Variants in DNAJC10 observed in about 807,000 individuals in gnomAD.
The protein encoded by DNAJC10 is DnaJ heat shock protein family (Hsp40) member C10, also known as endoplasmic reticulum disulfide reductase DNAJC10.
Under a neutral mutation model 115.0 loss-of-function variants are expected in DNAJC10, and 101 were observed. The ratio of observed to expected loss-of-function variants is 0.88; its 90% CI spans 0.75 to 1.04. The LOEUF (loss-of-function observed/expected upper bound fraction) is 1.04. DNAJC10 is among the 50% of genes least tolerant of loss of function. The pLI is 0.00. For synonymous variants in DNAJC10, 307 were observed against 301.5 expected (o/e 1.02, Z -0.19); for missense variants, 981 against 928.8 (o/e 1.06, Z -0.73).
At chr2:182,729,199 A>T (rs1693372718) in intron 7 of DNAJC10, 3 of 490,548 alleles carry the variant, frequency 6.1e-6, no homozygotes, top group Non-Finnish European at 1.1e-5. Context: ...CCCAGGCTGG[A>T]GTGCAAGGGT....
intron 5 of DNAJC10, among the ~76,000 whole-genome samples, chr2:182,727,338 GCTTT>G (rs1374179235): frequency 1.3e-5 from 2 of 152,008 alleles, no homozygotes; most frequent in Non-Finnish European, 2.9e-5. Context: ...TGTAATTATT[GCTTT>G]CTATTTTTAT....
At position 182,791,208 on chromosome 2, in the gene DNAJC10, ACT is replaced by A. The variant is rs1695043766; in HGVS notation, c.*14079_*14080del. ...AAGCAGTAATTCTCCAATTAAAGTA[ACT>A]CTAGAGCTTAGTTTTCAGTCCTCCT... On this transcript the variant is annotated 3_prime_UTR_variant, in exon 24 of 24. Transcript: ENST00000264065. The A allele has an allele frequency of 6.6e-6, 1 of 152,100 alleles. No individual in the cohort carries two copies. The highest frequency in any genetic ancestry group is 1.5e-5 in the Non-Finnish European group (1 of 68,018). 9.4% of individuals were successfully genotyped at this position (152,100 alleles called of 1,614,324 possible).
rs374592751 is a variant in DNAJC10, at chr2:182,736,272, G to A, written c.873G>A (p.Trp291Ter). 1 of 1,578,488 alleles carries A rather than the reference G, an allele frequency of 6.3e-7. No individual in the cohort carries two copies. Among genetic ancestry groups the A allele is most frequent in the African/African-American group, 1.4e-5 (1 of 72,360 alleles). ...AGGATGGTCTTGTTAATGTAGGATGGATGGACTGTGCCACCCAGGATAACC... is the reference window on the plus strand; with the variant it reads ...AGGATGGTCTTGTTAATGTAGGATGAATGGACTGTGCCACCCAGGATAACC... Reference protein sequence around the residue: ...GMLDGLVNVGWMDCATQDNLC... With the variant: ...GMLDGLVNVG Residue 291 changes from tryptophan (W) to a stop codon, truncating the protein, a stop_gained, in exon 11 of 24, where the codon TGG becomes TGA. Transcript: ENST00000264065. LOFTEE classifies it high-confidence loss of function.
At chr2:182,727,628 G>A (rs182846198) in intron 5 of DNAJC10, among the ~76,000 whole-genome samples, 5 of 152,236 alleles carry the variant, frequency 3.3e-5, no homozygotes, top group Non-Finnish European at 7.4e-5. Context: ...TTGAAATGTA[G>A]GTGAACACTG....
intron 13 of DNAJC10, among the ~76,000 whole-genome samples, chr2:182,741,801 G>T (rs548819189): frequency 6.6e-6 from 1 of 152,170 alleles, no homozygotes; most frequent in Non-Finnish European, 1.5e-5. Context: ...CATTTTGTGA[G>T]TGCCCATATG....
At chr2:182,771,544 G>A (rs561722530) in intron 22 of DNAJC10, among the ~76,000 whole-genome samples, 1 of 152,156 alleles carries the variant, frequency 6.6e-6, no homozygotes, top group South Asian at 2.1e-4. Flanking sequence ...CTTCTTCCTG[G>A]TTTAGTCTTG....
chr2:182,775,208 C>CA, intron 22 of DNAJC10, 108 bp from the exon 23 acceptor site: 1 of 713,078 alleles, frequency 1.4e-6, no homozygotes, highest in Non-Finnish European at 2.3e-6. Context: ...TCAAACACTT[C>CA]AAGTTTTGGA....
chr2:182,746,748 G>C (rs1693878611), intron 14 of DNAJC10, among the ~76,000 whole-genome samples: 1 of 151,986 alleles, frequency 6.6e-6, no homozygotes, highest in Admixed American at 6.6e-5. Flanking sequence ...GATCCCATTT[G>C]TCAATTTTGG....
Position 182,777,850 on chromosome 2 carries a change from A to G in DNAJC10, c.*718A>G, listed in dbSNP as rs889526015. 6.6e-6 allele frequency: 1 copy of G among 152,176 alleles called. No individual in the cohort carries two copies. The highest frequency in any genetic ancestry group is 2.1e-4 in the South Asian group (1 of 4,828). The allele number at this position is 152,176 out of a possible 1,614,324, so 9.4% of individuals were successfully genotyped here. A position where few individuals can be genotyped will look rare whatever the true frequency, so the allele number is the denominator to read the frequency against. On this transcript the variant is annotated 3_prime_UTR_variant, in exon 24 of 24. Coordinates refer to ENST00000264065, the MANE Select transcript of DNAJC10 (RefSeq NM_018981.4). ...ACAGTGCAGCAGTATATGTGCACAC[A>G]GTAAGTACACAAATTTGAGCAACAG...
At chr2:182,739,023 T>C (rs1191118575) in intron 11 of DNAJC10, among the ~76,000 whole-genome samples, 1 of 151,882 alleles carries the variant, frequency 6.6e-6, no homozygotes, top group Non-Finnish European at 1.5e-5. Flanking sequence ...GGCTGTGTAA[T>C]AGGCATTTTA....
At position 182,787,233 on chromosome 2, in the gene DNAJC10, A is replaced by G. The variant is rs1435355170; in HGVS notation, c.*10101A>G. The G allele has an allele frequency of 2.6e-5, 4 of 152,182 alleles. No individual in the cohort carries two copies. In the South Asian group the frequency reaches 6.2e-4, roughly 24 times the overall value. The allele number at this position is 152,182 out of a possible 1,614,324, so 9.4% of individuals were successfully genotyped here. A position where few individuals can be genotyped will look rare whatever the true frequency, so the allele number is the denominator to read the frequency against. On this transcript the variant is annotated 3_prime_UTR_variant, in exon 24 of 24. Coordinates refer to ENST00000264065, the MANE Select transcript of DNAJC10 (RefSeq NM_018981.4). ...AGGCGTTAAACTTCTTTTGGAAACT[A>G]TACTGGCTTGACAGTCTCCCCATAC...
intron 14 of DNAJC10, 73 bp from the exon 15 acceptor site, chr2:182,751,585 T>G (rs1263182459): frequency 6.6e-7 from 1 of 1,509,222 alleles, no homozygotes; most frequent in East Asian, 2.3e-5. Context: ...TTCTGAGTAT[T>G]AAAACTTTGA....
chr2:182,759,093 A>G (rs1367491525), intron 20 of DNAJC10, 67 bp from the exon 21 acceptor site: 41 of 1,351,408 alleles, frequency 3.0e-5, no homozygotes, highest in Non-Finnish European at 2.2e-5. Flanking sequence ...GTATTACAAT[A>G]TTATTGCATT....
At position 182,782,617 on chromosome 2, in the gene DNAJC10, T is replaced by C. The variant is rs1367108809; in HGVS notation, c.*5485T>C. The C allele has an allele frequency of 6.6e-6, 1 of 152,076 alleles. No homozygotes were observed. The highest frequency in any genetic ancestry group is 1.5e-5 in the Non-Finnish European group (1 of 67,968). 9.4% of individuals were successfully genotyped at this position (152,076 alleles called of 1,614,324 possible). Reference sequence around the variant, plus strand: ...TCCTTGAGCAGTGGTTTGTAGTTCTTGAAGAGGTCCTTCACGTCCCTTGTA... The same window carrying C: ...TCCTTGAGCAGTGGTTTGTAGTTCTCGAAGAGGTCCTTCACGTCCCTTGTA... On this transcript the variant is annotated 3_prime_UTR_variant, in exon 24 of 24. Coordinates refer to ENST00000264065, the MANE Select transcript of DNAJC10 (RefSeq NM_018981.4).
In DNAJC10 at chr2:182,736,273, A is replaced by G; in HGVS notation, c.874A>G (p.Met292Val). The change falls in exon 11 of 24, where the codon ATG becomes GTG. Residue 292 changes from methionine (M) to valine (V), a missense_variant. Transcript: ENST00000264065. ...GGATGGTCTTGTTAATGTAGGATGG[A>G]TGGACTGTGCCACCCAGGATAACCT... ...MLDGLVNVGW[M>V]DCATQDNLCK... is the part of the protein sequence containing the mutation. 1 of 1,578,868 alleles carries G rather than the reference A, an allele frequency of 6.3e-7. No homozygotes were observed. The highest frequency in any genetic ancestry group is 8.6e-7 in the Non-Finnish European group (1 of 1,167,754).
chr2:182,751,903 G>T, intron 15 of DNAJC10, 118 bp downstream of exon 15: 1 of 1,330,740 alleles, frequency 7.5e-7, no homozygotes, highest in Non-Finnish European at 1.0e-6. Flanking sequence ...TTCCATTATG[G>T]CCACTAATGC....
chr2:182,760,491 C>A (rs1314598996), intron 21 of DNAJC10, among the ~76,000 whole-genome samples: 1 of 152,174 alleles, frequency 6.6e-6, no homozygotes, highest in Non-Finnish European at 1.5e-5. Context: ...AAATGGCTGT[C>A]TCTTCCTGAG....
chr2:182,769,751 T>C (rs1256408403), intron 22 of DNAJC10, among the ~76,000 whole-genome samples: 1 of 152,188 alleles, frequency 6.6e-6, no homozygotes, highest in Non-Finnish European at 1.5e-5. Flanking sequence ...TTGCCAACAT[T>C]TTCTCCCATT....
intron 4 of DNAJC10, 55 bp from the exon 5 acceptor site, chr2:182,721,970 G>A: frequency 3.0e-6 from 3 of 1,003,138 alleles, no homozygotes; most frequent in Non-Finnish European, 4.3e-6. Context: ...TTTTTATGTT[G>A]CAATTTATAT....
Sources: gnomAD v4.1 joint callset for allele counts (sites outside exome capture counted in the v4.1 genomes callset) on GRCh38, gnomAD v4.1.1 for gene constraint, MANE v1.5 for transcripts, NCBI Gene and HGNC (gene_info 2026-07-23, HGNC 2026-07-21) for gene names.